The following EXOC6B variants were observed in gnomAD, a reference collection of about 807,000 sequenced individuals.
EXOC6B encodes SEC15 homolog B.
A neutral mutation model predicts 113.5 loss-of-function variants in EXOC6B; 54 were observed. That is an observed-to-expected ratio of 0.48 (90% CI 0.38 to 0.60). The LOEUF is 0.60. Among genes scored for constraint, EXOC6B ranks in the 20% least tolerant of loss-of-function variants. The pLI is 0.00. For synonymous variants in EXOC6B, 357 were observed against 339.0 expected (o/e 1.05, Z -0.58); for missense variants, 797 against 977.5 (o/e 0.82, Z 2.46).
chr2:72,557,293 G>T (rs988442386), intron 8 of EXOC6B, among the ~76,000 whole-genome samples: 4 of 97,746 alleles, frequency 4.1e-5, no homozygotes, highest in Non-Finnish European at 6.0e-5. Context: ...TAAAATCCGG[G>T]GGGGGGGGGG....
At chr2:72,210,958 T>C (rs1222541689) in intron 20 of EXOC6B, among the ~76,000 whole-genome samples, 1 of 152,222 alleles carries the variant, frequency 6.6e-6, no homozygotes, top group Non-Finnish European at 1.5e-5. Flanking sequence ...TATTTTAGGG[T>C]GCTGATTAGC....
At chr2:72,545,045 A>C (rs1702816886) in intron 8 of EXOC6B, among the ~76,000 whole-genome samples, 1 of 152,144 alleles carries the variant, frequency 6.6e-6, no homozygotes, top group East Asian at 1.9e-4. Flanking sequence ...AGAAATTGAG[A>C]ATTCAAATAA....
At chr2:72,347,956 A>C (rs1313904427) in intron 19 of EXOC6B, among the ~76,000 whole-genome samples, 1 of 152,208 alleles carries the variant, frequency 6.6e-6, no homozygotes, top group African/African-American at 2.4e-5. Context: ...GAATTGAAGG[A>C]AATGCCCATG....
intron 17 of EXOC6B, among the ~76,000 whole-genome samples, chr2:72,466,344 C>CAAA (rs551509210): frequency 1.2e-5 from 1 of 82,306 alleles, no homozygotes. Flanking sequence ...GACTCCACCT[C>CAAA]AAAAAAAAAA....
At chr2:72,512,962 T>C (rs943414492) in intron 11 of EXOC6B, among the ~76,000 whole-genome samples, 170 bp downstream of exon 11, 1 of 152,066 alleles carries the variant, frequency 6.6e-6, no homozygotes, top group African/African-American at 2.4e-5. Context: ...GTGAGCTCAG[T>C]GGTAGAAAAT....
chr2:72,814,010 C>G (rs1030700269), intron 1 of EXOC6B, among the ~76,000 whole-genome samples: 41 of 152,032 alleles, frequency 2.7e-4, no homozygotes, highest in Admixed American at 2.2e-3. Context: ...TTGAGAACAA[C>G]AAGAAGAAAG....
intron 20 of EXOC6B, among the ~76,000 whole-genome samples, chr2:72,226,719 A>C (rs759899011): frequency 3.9e-5 from 6 of 152,234 alleles, no homozygotes; most frequent in Admixed American, 1.3e-4. Context: ...TAATGTCATT[A>C]CCAAAGCACT....
chr2:72,443,404 T>TA (rs1178515221), intron 18 of EXOC6B, among the ~76,000 whole-genome samples: 1 of 151,346 alleles, frequency 6.6e-6, no homozygotes, highest in Non-Finnish European at 1.5e-5. Flanking sequence ...ACCATACATG[T>TA]ACAACCATCT....
chr2:72,612,480 C>T (rs1025374162), intron 6 of EXOC6B, among the ~76,000 whole-genome samples: 1 of 151,802 alleles, frequency 6.6e-6, no homozygotes, highest in Non-Finnish European at 1.5e-5. Context: ...CTAGAAGTGG[C>T]AGTGCGCTTA....
At chr2:72,287,026 A>G (rs1200426179) in intron 20 of EXOC6B, among the ~76,000 whole-genome samples, 1 of 152,184 alleles carries the variant, frequency 6.6e-6, no homozygotes, top group Non-Finnish European at 1.5e-5. Flanking sequence ...ATTAAAAAAT[A>G]AAGACTGAAG....
chr2:72,272,362 G>A (rs1684545822), intron 20 of EXOC6B, among the ~76,000 whole-genome samples: 1 of 152,084 alleles, frequency 6.6e-6, no homozygotes, highest in Non-Finnish European at 1.5e-5. Context: ...TCCCCTTCCT[G>A]AATTAAATCC....
chr2:72,705,178 G>C (rs549306881), intron 6 of EXOC6B, among the ~76,000 whole-genome samples: 134 of 151,956 alleles, frequency 8.8e-4, no homozygotes, highest in Non-Finnish European at 1.7e-3. Context: ...TTCAATATAC[G>C]CAAATCAATA....
chr2:72,611,116 A>T (rs1403943226), intron 6 of EXOC6B, among the ~76,000 whole-genome samples: 1 of 152,190 alleles, frequency 6.6e-6, no homozygotes, highest in African/African-American at 2.4e-5. Flanking sequence ...TAATCCCAGC[A>T]CTTTGGAAAG....
chr2:72,513,197 C>G lies in EXOC6B; in HGVS notation c.1102G>C (p.Ala368Pro). 1 of 1,613,370 alleles carries G rather than the reference C, an allele frequency of 6.2e-7. No individual in the cohort carries two copies. The highest frequency in any genetic ancestry group is 8.5e-7 in the Non-Finnish European group (1 of 1,179,430). ...LHTTQGLVNRAYIDELWEMAL... is the reference protein window; with the variant it reads ...LHTTQGLVNRPYIDELWEMAL... ...ATTTCCCACAGTTCATCAATGTAGG[C>G]TCTATTTACTAAGCCCTGGGTTGTA... Residue 368 changes from alanine (A) to proline (P), a missense_variant, in exon 11 of 22, where the codon GCC (alanine) becomes CCC (proline). Coordinates refer to ENST00000272427, the MANE Select transcript of EXOC6B (RefSeq NM_015189.3).
chr2:72,807,114 G>A (rs542140569), intron 1 of EXOC6B, among the ~76,000 whole-genome samples: 1 of 152,218 alleles, frequency 6.6e-6, no homozygotes, highest in African/African-American at 2.4e-5. Flanking sequence ...GTCCAGAACG[G>A]TATTTCCTAG....
chr2:72,558,791 A>G (rs1364284213), intron 8 of EXOC6B, among the ~76,000 whole-genome samples: 2 of 152,034 alleles, frequency 1.3e-5, no homozygotes, highest in African/African-American at 4.8e-5. Context: ...AAAAAGATAT[A>G]TATATACACA....
chr2:72,703,991 C>T (rs1380306386), intron 6 of EXOC6B, among the ~76,000 whole-genome samples: 1 of 152,032 alleles, frequency 6.6e-6, no homozygotes, highest in Non-Finnish European at 1.5e-5. Context: ...TAGACATCTA[C>T]AGAACTCTCC....
chr2:72,351,589 G>A (rs1191581793), intron 19 of EXOC6B, among the ~76,000 whole-genome samples: 1 of 152,100 alleles, frequency 6.6e-6, no homozygotes, highest in African/African-American at 2.4e-5. Flanking sequence ...CATATAACCT[G>A]TAATATATGG....
chr2:72,498,313 G>A (rs1000978256), intron 13 of EXOC6B, 141 bp downstream of exon 13: 12 of 556,504 alleles, frequency 2.2e-5, no homozygotes, highest in Non-Finnish European at 3.3e-5. Context: ...TTTGAATTCT[G>A]GATCATAACC....
Sources: gnomAD v4.1 joint callset for allele counts (sites outside exome capture counted in the v4.1 genomes callset) on GRCh38, gnomAD v4.1.1 for gene constraint, MANE v1.5 for transcripts, NCBI Gene and HGNC (gene_info 2026-07-23, HGNC 2026-07-21) for gene names.